DOCK10: variants seen among roughly 807,000 people sequenced by gnomAD.
The protein encoded by DOCK10 is dedicator of cytokinesis protein 10.
Under a neutral mutation model 280.1 loss-of-function variants are expected in DOCK10, and 145 were observed. The ratio of observed to expected loss-of-function variants is 0.52; its 90% CI spans 0.45 to 0.59. The LOEUF (loss-of-function observed/expected upper bound fraction) is 0.59. DOCK10 is among the 20% of genes least tolerant of loss of function. The probability of loss-of-function intolerance (pLI) is 0.00; values close to 1 mark genes in which losing one functional copy is unlikely to be tolerated. For missense variants in DOCK10, 2,368 were observed against 2,651.7 expected (o/e 0.89, Z 2.35); for synonymous variants, 915 against 942.2 (o/e 0.97, Z 0.53).
intron 1 of DOCK10, among the ~76,000 whole-genome samples, chr2:224,985,946 C>T (rs561217388): frequency 2.6e-5 from 4 of 152,172 alleles, no homozygotes; most frequent in African/African-American, 4.8e-5. Flanking sequence ...GTTGGACCTT[C>T]CCAGCTTTGT....
At position 224,834,255 on chromosome 2, in the gene DOCK10, G is replaced by T. The variant is rs755553028; in HGVS notation, c.2859C>A (p.Phe953Leu). 1 of 1,593,554 alleles carries T rather than the reference G, an allele frequency of 6.3e-7. No homozygotes were observed. Among genetic ancestry groups the T allele is most frequent in the Non-Finnish European group, 8.6e-7 (1 of 1,164,644 alleles). ...TCCTCTCCTTGCATGCCCTGGTCTT[G>T]AACACGAACTGAAGAAAATCCAAAA... Reference protein sequence around the residue: ...HSVQSYIKFVFKTRACKERTV... With the variant: ...HSVQSYIKFVLKTRACKERTV... The change falls in exon 26 of 56, where the codon TTC (phenylalanine) becomes TTA (leucine). Residue 953 changes from phenylalanine (F) to leucine (L), a missense_variant. By Grantham distance (22) the Phe-to-Leu change is conservative. Transcript: ENST00000258390.
chr2:224,960,418 T>C (rs1342329106), intron 1 of DOCK10, among the ~76,000 whole-genome samples: 1 of 152,204 alleles, frequency 6.6e-6, no homozygotes, highest in Admixed American at 6.5e-5. Flanking sequence ...ACCAGAAGAA[T>C]AAAATAACTT....
intron 31 of DOCK10, 56 bp downstream of exon 31, chr2:224,814,264 C>G (rs1168831387): frequency 1.1e-5 from 12 of 1,063,942 alleles, no homozygotes; most frequent in Non-Finnish European, 1.6e-5. Context: ...TTATAGTTGT[C>G]AATATTATTG....
At chr2:224,963,376 C>T (rs931522416) in intron 1 of DOCK10, among the ~76,000 whole-genome samples, 8 of 152,252 alleles carry the variant, frequency 5.3e-5, no homozygotes, top group African/African-American at 7.2e-5. Flanking sequence ...ATAGTTTACT[C>T]GTGAAGATTT....
At chr2:224,842,185 T>C (rs923331386) in intron 22 of DOCK10, among the ~76,000 whole-genome samples, 2 of 152,250 alleles carry the variant, frequency 1.3e-5, no homozygotes, top group Admixed American at 1.3e-4. Flanking sequence ...GTTGTGCTTT[T>C]TGTGTTTAGA....
chr2:224,976,981 A>G (rs972687866), intron 1 of DOCK10, among the ~76,000 whole-genome samples: 1 of 152,228 alleles, frequency 6.6e-6, no homozygotes, highest in Non-Finnish European at 1.5e-5. Context: ...TGAAGCACCA[A>G]CAGAGAGGAC....
chr2:224,922,194 A>G lies in DOCK10; in HGVS notation c.244-5410T>C, dbSNP rs181508132. On this transcript the variant is annotated intron_variant, in intron 2 of 55. Coordinates refer to ENST00000258390, the MANE Select transcript of DOCK10 (RefSeq NM_014689.3). Reference sequence around the variant, plus strand: ...TTTAAAAACTGTGGCACTTCTTCTCATTTTAGATCTCTTTAATGTGTCTCC... The same window carrying G: ...TTTAAAAACTGTGGCACTTCTTCTCGTTTTAGATCTCTTTAATGTGTCTCC... Among the ~76,000 whole-genome samples, 1,092 of 151,654 alleles carry G rather than the reference A, an allele frequency of 7.2e-3. 6 individuals are homozygous for G. The highest frequency in any genetic ancestry group is 0.031 in the Middle Eastern group (9 of 292).
chr2:225,024,607 T>C (rs899597747), intron 1 of DOCK10, among the ~76,000 whole-genome samples: 3 of 152,106 alleles, frequency 2.0e-5, no homozygotes, highest in African/African-American at 4.8e-5. Flanking sequence ...TTTTGATTCA[T>C]GGCCAGGCAT....
At chr2:224,959,393 G>A (rs1376034150) in intron 1 of DOCK10, among the ~76,000 whole-genome samples, 1 of 150,724 alleles carries the variant, frequency 6.6e-6, no homozygotes, top group South Asian at 2.1e-4. Flanking sequence ...CCATTTCCAG[G>A]TAAACCTACA....
At chr2:224,909,034 G>A (rs1249128415) in intron 3 of DOCK10, among the ~76,000 whole-genome samples, 1 of 152,136 alleles carries the variant, frequency 6.6e-6, no homozygotes, top group Non-Finnish European at 1.5e-5. Context: ...TCCCTCTTGA[G>A]CCACTGTATT....
At chr2:224,972,540 A>C (rs937685748) in intron 1 of DOCK10, among the ~76,000 whole-genome samples, 14 of 152,208 alleles carry the variant, frequency 9.2e-5, no homozygotes, top group Non-Finnish European at 2.1e-4. Flanking sequence ...GTAATAAAAA[A>C]TCTACTCACA....
At chr2:224,852,642 T>C (rs936895208) in intron 17 of DOCK10, among the ~76,000 whole-genome samples, 200 bp from the exon 18 acceptor site, 1 of 152,158 alleles carries the variant, frequency 6.6e-6, no homozygotes, top group Non-Finnish European at 1.5e-5. Context: ...AAAGCTCATA[T>C]TGAAAGGGGG....
chr2:225,040,079 G>A (rs1314449677), intron 1 of DOCK10, among the ~76,000 whole-genome samples: 3 of 152,172 alleles, frequency 2.0e-5, no homozygotes, highest in Non-Finnish European at 2.9e-5. Context: ...CAGATATGAA[G>A]AGTCTTAAGG....
intron 51 of DOCK10, 39 bp downstream of exon 51, chr2:224,778,099 C>T: frequency 1.3e-6 from 2 of 1,585,140 alleles, no homozygotes; most frequent in South Asian, 1.1e-5. Context: ...AAAACTCAGT[C>T]AATTCTTAGC....
chr2:224,964,023 A>C (rs556460285), intron 1 of DOCK10, among the ~76,000 whole-genome samples: 13 of 146,946 alleles, frequency 8.8e-5, no homozygotes, highest in Non-Finnish European at 1.8e-4. Flanking sequence ...TTTACAATAG[A>C]GTCATTTCTT....
At chr2:225,040,548 T>C (rs1659885781) in intron 1 of DOCK10, among the ~76,000 whole-genome samples, 1 of 145,822 alleles carries the variant, frequency 6.9e-6, no homozygotes, top group East Asian at 2.0e-4. Flanking sequence ...GTGTGTGTGG[T>C]GTAGAAGGGT....
intron 1 of DOCK10, among the ~76,000 whole-genome samples, chr2:225,022,939 A>G (rs922057697): frequency 2.0e-5 from 3 of 152,226 alleles, no homozygotes; most frequent in Non-Finnish European, 1.5e-5. Context: ...TTGATGATGG[A>G]AAGATACTGT....
At chr2:224,813,840 A>G (rs1693948834) in intron 31 of DOCK10, among the ~76,000 whole-genome samples, 1 of 152,224 alleles carries the variant, frequency 6.6e-6, no homozygotes, top group South Asian at 2.1e-4. Flanking sequence ...GGAATAGAAC[A>G]CAACTTTTAA....
At chr2:225,017,349 A>T (rs999468993) in intron 1 of DOCK10, among the ~76,000 whole-genome samples, 2 of 152,030 alleles carry the variant, frequency 1.3e-5, no homozygotes, top group Admixed American at 1.3e-4. Flanking sequence ...CATGTAAAGA[A>T]TTACACATTA....
Sources: gnomAD v4.1 joint callset for allele counts (sites outside exome capture counted in the v4.1 genomes callset) on GRCh38, gnomAD v4.1.1 for gene constraint, MANE v1.5 for transcripts, NCBI Gene and HGNC (gene_info 2026-07-23, HGNC 2026-07-21) for gene names.